CAP1: variants seen among roughly 807,000 people sequenced by gnomAD.
CAP1 encodes the protein adenylyl cyclase-associated protein 1.
A neutral mutation model predicts 58.2 loss-of-function variants in CAP1; 11 were observed. The observed-to-expected ratio is 0.19, with a 90% CI of 0.12 to 0.31. CAP1 has a LOEUF of 0.31. Among genes scored for constraint, CAP1 ranks in the 10% least tolerant of loss-of-function variants. CAP1 has a pLI of 1.00. For missense variants in CAP1, 423 were observed against 587.5 expected (o/e 0.72, Z 2.89); for synonymous variants, 183 against 213.8 (o/e 0.86, Z 1.26).
chr1:40,051,730 C>A (rs922955737), intron 1 of CAP1, among the ~76,000 whole-genome samples: 1 of 151,034 alleles, frequency 6.6e-6, no homozygotes, highest in Non-Finnish European at 1.5e-5. Context: ...CCCCTGCCAC[C>A]GTGCCTGGCT....
At chr1:40,046,169 A>G (rs968816360) in intron 1 of CAP1, among the ~76,000 whole-genome samples, 2 of 152,146 alleles carry the variant, frequency 1.3e-5, no homozygotes, top group Non-Finnish European at 2.9e-5. Flanking sequence ...TTAAAGTTGC[A>G]TATAGGCTGG....
At chr1:40,048,128 C>T (rs1274993329) in intron 1 of CAP1, among the ~76,000 whole-genome samples, 7 of 152,066 alleles carry the variant, frequency 4.6e-5, no homozygotes, top group African/African-American at 9.7e-5. Flanking sequence ...AAGCAGTTCT[C>T]CTGCCTCAGC....
intron 6 of CAP1, among the ~76,000 whole-genome samples, chr1:40,065,315 C>T (rs998959273): frequency 3.3e-5 from 5 of 152,210 alleles, no homozygotes; most frequent in African/African-American, 1.2e-4. Context: ...TAACCACATA[C>T]GTCTACCAGT....
chr1:40,070,318 C>T (rs770795492), intron 10 of CAP1, 36 bp downstream of exon 10: 2 of 1,613,480 alleles, frequency 1.2e-6, no homozygotes, highest in South Asian at 2.2e-5. Context: ...AAGCCCCGTC[C>T]CAGAGCCCGA....
At chr1:40,040,480 GA>G (rs1290482559), upstream of CAP1, 2 of 152,274 alleles carry the variant, frequency 1.3e-5, no homozygotes, top group African/African-American at 2.4e-5. Flanking sequence ...AGGTAAAGCG[GA>G]ACGAGGGCGT....
Position 40,072,251 on chromosome 1 carries a change from GGA to G in CAP1, c.*719_*720del. ...CCTTCCTATAGAGATGACTTTAAAA[GGA>G]AAAAAAAAAAAAAAAAAACCCACAT... On this transcript the variant is annotated 3_prime_UTR_variant, in exon 13 of 13. Transcript: ENST00000372805. 1.7e-5 allele frequency: 4 copies of G among 241,220 alleles called. No individual in the cohort carries two copies. Among genetic ancestry groups the G allele is most frequent in the Non-Finnish European group, 2.0e-5 (3 of 151,436 alleles). The allele number at this position is 241,220 out of a possible 1,614,324, so 14.9% of individuals were successfully genotyped here.
intron 1 of CAP1, among the ~76,000 whole-genome samples, chr1:40,051,416 G>A (rs1186311972): frequency 6.6e-6 from 1 of 151,150 alleles, no homozygotes; most frequent in African/African-American, 2.4e-5. Flanking sequence ...ACACACAAAA[G>A]CCAGGCATGG....
chr1:40,070,115 G>A lies in CAP1; in HGVS notation c.994-44G>A, dbSNP rs199672929. 1.2e-3 allele frequency: 1,919 copies of A among 1,611,020 alleles called. 33 individuals are homozygous for A. The South Asian group carries it at 0.019, about 16-fold the overall frequency. ...GGGATAGCCTGGTTATTTTTTGTTC[G>A]GTGTGTGCTTTGTGATGAGAATCCT... On this transcript the variant is annotated intron_variant, in intron 9 of 12. Transcript: ENST00000372805.
chr1:40,069,879 GT>G lies in CAP1; in HGVS notation c.993+7del. The stretch of plus-strand genomic sequence containing the variant: ...GAGGGCAAGAAGTGGAGAGTGGTGA[GT>G]TAAAAATACCTAGACAGGGGCAGGT... On this transcript the variant is annotated splice_donor_region_variant and intron_variant, in intron 9 of 12. Coordinates refer to ENST00000372805, the MANE Select transcript of CAP1 (RefSeq NM_006367.4). 6.5e-7 allele frequency: 1 copy of G among 1,544,508 alleles called. No homozygotes were observed. The highest frequency in any genetic ancestry group is 8.7e-7 in the Non-Finnish European group (1 of 1,149,880).
rs1570443118 is a variant in CAP1, at chr1:40,071,764, C to T, written c.*231C>T. The T allele has an allele frequency of 1.8e-6, 1 of 554,490 alleles. No individual in the cohort carries two copies. The highest frequency in any genetic ancestry group is 1.9e-5 in the African/African-American group (1 of 53,100). The allele number at this position is 554,490 out of a possible 1,614,324, so 34.3% of individuals were successfully genotyped here. ...TGCAGCTTTTCCATATCAGCTCAAC[C>T]ACGCCGCCAGTCCATTCTTAAGGAA... On this transcript the variant is annotated 3_prime_UTR_variant, in exon 13 of 13. Transcript: ENST00000372805.
intron 4 of CAP1, among the ~76,000 whole-genome samples, chr1:40,062,690 G>A (rs1557689130): frequency 6.6e-6 from 1 of 152,020 alleles, no homozygotes; most frequent in Non-Finnish European, 1.5e-5. Context: ...ATTTGGGCCT[G>A]AAAGTTTGAG....
At chr1:40,064,393 C>T in intron 5 of CAP1, 23 bp downstream of exon 5, 1 of 1,613,886 alleles carries the variant, frequency 6.2e-7, no homozygotes, top group Non-Finnish European at 8.5e-7. Flanking sequence ...GATTCCAGGG[C>T]TGGGGGTGGG....
intron 3 of CAP1, 114 bp from the exon 4 acceptor site, chr1:40,061,621 C>A: frequency 1.2e-6 from 1 of 824,542 alleles, no homozygotes; most frequent in Non-Finnish European, 2.1e-6. Flanking sequence ...AGGAGGATAA[C>A]ATGAAGTGCC....
chr1:40,069,434 T>C, intron 8 of CAP1: 1 of 324,300 alleles, frequency 3.1e-6, no homozygotes, highest in Non-Finnish European at 5.6e-6. Flanking sequence ...TTTCTAGACA[T>C]AGAGGATAAG....
At chr1:40,043,056 G>A (rs1184583907) in intron 1 of CAP1, among the ~76,000 whole-genome samples, 1 of 152,130 alleles carries the variant, frequency 6.6e-6, no homozygotes, top group East Asian at 1.9e-4. Flanking sequence ...CTAATAAGGT[G>A]GGTCAGCTAA....
At chr1:40,067,926 A>G (rs1469869390) in intron 8 of CAP1, among the ~76,000 whole-genome samples, 1 of 152,248 alleles carries the variant, frequency 6.6e-6, no homozygotes, top group African/African-American at 2.4e-5. Context: ...CCCATGGGAA[A>G]GTGACTTAAT....
At chr1:40,050,038 G>A (rs1557676651) in intron 1 of CAP1, among the ~76,000 whole-genome samples, 1 of 152,182 alleles carries the variant, frequency 6.6e-6, no homozygotes, top group East Asian at 1.9e-4. Flanking sequence ...ACTTTGAGCT[G>A]TCTGAATGGA....
intron 7 of CAP1, 171 bp from the exon 8 acceptor site, chr1:40,067,369 G>C (rs1345051317): frequency 7.8e-6 from 4 of 509,984 alleles, no homozygotes; most frequent in Non-Finnish European, 1.4e-5. Context: ...TGGATCCTTG[G>C]GAAAGGGTGA....
At chr1:40,061,305 G>C (rs996144105) in intron 3 of CAP1, among the ~76,000 whole-genome samples, 1 of 152,188 alleles carries the variant, frequency 6.6e-6, no homozygotes, top group African/African-American at 2.4e-5. Flanking sequence ...TAATCTAAAG[G>C]AGTAAATACC....
Sources: allele counts gnomAD v4.1 joint callset (sites outside exome capture counted in the v4.1 genomes callset), GRCh38; gene constraint gnomAD v4.1.1; transcripts MANE v1.5; gene names NCBI Gene and HGNC (gene_info 2026-07-23, HGNC 2026-07-21).